The following DCLK1 variants were observed in gnomAD, a reference collection of about 807,000 sequenced individuals.
The protein encoded by DCLK1 is serine/threonine-protein kinase DCLK1.
Under a neutral mutation model 86.2 loss-of-function variants are expected in DCLK1, and 16 were observed. The observed-to-expected ratio is 0.19, with a 90% CI of 0.13 to 0.28. The LOEUF is 0.28. DCLK1 is among the 10% of genes least tolerant of loss of function. The pLI, the probability that DCLK1 is intolerant of heterozygous loss-of-function variation, is 1.00. For missense variants in DCLK1, 590 were observed against 940.2 expected (o/e 0.63, Z 4.87); for synonymous variants, 369 against 370.5 (o/e 1.00, Z 0.05).
chr13:35,801,158 T>C (rs1406268649), intron 15 of DCLK1, among the ~76,000 whole-genome samples: 1 of 152,246 alleles, frequency 6.6e-6, no homozygotes, highest in African/African-American at 2.4e-5. Context: ...ATTAGTACTT[T>C]TCTTCCCCCT....
chr13:35,772,641 C>G lies in DCLK1; in HGVS notation c.*1894G>C, dbSNP rs1000690210. 6.7e-6 allele frequency: 1 copy of G among 150,020 alleles called. No individual in the cohort carries two copies. The highest frequency in any genetic ancestry group is 1.5e-5 in the Non-Finnish European group (1 of 67,706). The allele number at this position is 150,020 out of a possible 1,614,324, so 9.3% of individuals were successfully genotyped here. On this transcript the variant is annotated 3_prime_UTR_variant, in exon 17 of 17. Coordinates refer to ENST00000360631, the MANE Select transcript of DCLK1 (RefSeq NM_001330071.2). ...TGATTTATGCTACTTTGTGATTTTG[C>G]GTGTTATCACTTCCGGATGCTCTAA... is the stretch of plus-strand genomic sequence containing the variant.
chr13:35,867,963 A>AAGAAAGAAAGAGAGAG (rs796441369), intron 5 of DCLK1, among the ~76,000 whole-genome samples: 16 of 135,238 alleles, frequency 1.2e-4, no homozygotes, highest in Non-Finnish European at 3.1e-5. Flanking sequence ...GAAAGAAAGA[A>AAGAAAGAAAGAGAGAG]AGAGAAAAAG....
chr13:35,952,869 G>A (rs111307270), intron 3 of DCLK1, among the ~76,000 whole-genome samples: 2 of 152,244 alleles, frequency 1.3e-5, no homozygotes, highest in African/African-American at 4.8e-5. Context: ...AAAAACATGG[G>A]TGATTATAAT....
At chr13:36,070,188 T>A (rs1883917748) in intron 3 of DCLK1, among the ~76,000 whole-genome samples, 1 of 152,154 alleles carries the variant, frequency 6.6e-6, no homozygotes, top group Non-Finnish European at 1.5e-5. Flanking sequence ...GTGGCTGCAG[T>A]CCCAGTCCTG....
chr13:35,885,076 G>A (rs1018407293), intron 4 of DCLK1, among the ~76,000 whole-genome samples: 4 of 152,082 alleles, frequency 2.6e-5, no homozygotes, highest in Admixed American at 6.6e-5. Flanking sequence ...TTCCAGAAAG[G>A]CACATACCCT....
rs142035044 is a variant in DCLK1, at chr13:35,935,499, G to A, written c.823+11859C>T. The stretch of plus-strand genomic sequence containing the variant: ...TAAAAGTGAGGGGTGAGTAAAAGAC[G>A]ACTCCATGTTTTGCAACCTTGGTGT... On this transcript the variant is annotated intron_variant, in intron 4 of 16. Transcript: ENST00000360631. Among the ~76,000 whole-genome samples, 356 of 152,266 alleles carry A rather than the reference G, an allele frequency of 2.3e-3. 3 individuals are homozygous for A. The highest frequency in any genetic ancestry group is 7.8e-3 in the African/African-American group (325 of 41,542).
intron 4 of DCLK1, among the ~76,000 whole-genome samples, chr13:35,940,180 C>T (rs1483494880): frequency 6.8e-6 from 1 of 146,684 alleles, no homozygotes; most frequent in Non-Finnish European, 1.5e-5. Context: ...GAGATCACGC[C>T]ACTGCACTCC....
intron 5 of DCLK1, among the ~76,000 whole-genome samples, chr13:35,867,715 A>G (rs1183493820): frequency 3.3e-5 from 5 of 152,082 alleles, no homozygotes; most frequent in African/African-American, 1.2e-4. Context: ...TAGTGATTAC[A>G]TTACCAGTTA....
intron 3 of DCLK1, among the ~76,000 whole-genome samples, chr13:36,106,149 A>G (rs543130079): frequency 6.6e-6 from 1 of 152,326 alleles, no homozygotes; most frequent in East Asian, 1.9e-4. Context: ...AAGCCTTAAA[A>G]TATACATCAC....
chr13:35,782,933 G>A (rs1491004166), intron 16 of DCLK1, among the ~76,000 whole-genome samples: 1 of 152,226 alleles, frequency 6.6e-6, no homozygotes, highest in East Asian at 1.9e-4. Context: ...TGCTGCTGTA[G>A]GGCAAAGGCA....
intron 3 of DCLK1, 35 bp downstream of exon 3, chr13:36,111,834 T>C: frequency 6.4e-7 from 1 of 1,574,674 alleles, no homozygotes; most frequent in South Asian, 1.1e-5. Context: ...GGTTCTTGCC[T>C]TAAAGTCAAA....
chr13:36,087,990 CA>C (rs1165470633), intron 3 of DCLK1, among the ~76,000 whole-genome samples: 2 of 152,186 alleles, frequency 1.3e-5, no homozygotes, highest in Admixed American at 1.3e-4. Context: ...TGGGTCTAAA[CA>C]ACAATGTTTT....
intron 2 of DCLK1, among the ~76,000 whole-genome samples, chr13:36,116,404 C>T (rs1167910737): frequency 6.6e-6 from 1 of 152,078 alleles, no homozygotes; most frequent in Non-Finnish European, 1.5e-5. Context: ...AAAATGGTTC[C>T]CTGGGCACTA....
At chr13:35,908,564 C>T (rs888839002) in intron 4 of DCLK1, among the ~76,000 whole-genome samples, 9 of 152,142 alleles carry the variant, frequency 5.9e-5, no homozygotes, top group African/African-American at 2.2e-4. Flanking sequence ...ATTCATTTTA[C>T]TTTATTTATT....
At chr13:35,799,981 A>G (rs1303700021) in intron 15 of DCLK1, among the ~76,000 whole-genome samples, 1 of 152,224 alleles carries the variant, frequency 6.6e-6, no homozygotes, top group Non-Finnish European at 1.5e-5. Flanking sequence ...TTTTGTTGGT[A>G]TTTTGTAACT....
chr13:35,771,925 G>A lies in DCLK1; in HGVS notation c.*2610C>T, dbSNP rs890849108. On this transcript the variant is annotated 3_prime_UTR_variant, in exon 17 of 17. Transcript: ENST00000360631. ...AAACTTGAACTATCCCAAGAATGTC[G>A]AGAAAAAAATTAGAAAGCACTGGCT... 1 of 152,106 alleles carries A rather than the reference G, an allele frequency of 6.6e-6. No homozygotes were observed. The highest frequency in any genetic ancestry group is 6.5e-5 in the Admixed American group (1 of 15,270). 9.4% of individuals were successfully genotyped at this position (152,106 alleles called of 1,614,324 possible). A position where few individuals can be genotyped will look rare whatever the true frequency, so the allele number is the denominator to read the frequency against.
intron 3 of DCLK1, 138 bp downstream of exon 3, chr13:36,111,731 C>A: frequency 1.5e-6 from 1 of 679,996 alleles, no homozygotes; most frequent in Non-Finnish European, 2.4e-6. Flanking sequence ...TGTTCTAGGG[C>A]CAGCAAGTAC....
intron 16 of DCLK1, among the ~76,000 whole-genome samples, chr13:35,777,826 G>C (rs1162504908): frequency 2.0e-5 from 3 of 152,108 alleles, no homozygotes; most frequent in East Asian, 3.9e-4. Flanking sequence ...CTCCTTCTGG[G>C]CCCCCGCCCA....
chr13:35,970,651 G>A (rs1289480690), intron 3 of DCLK1, among the ~76,000 whole-genome samples: 5 of 151,810 alleles, frequency 3.3e-5, no homozygotes, highest in African/African-American at 1.2e-4. Flanking sequence ...GTGCCATCCT[G>A]GGAGTGGAAA....
Sources: gnomAD v4.1 joint callset for allele counts (sites outside exome capture counted in the v4.1 genomes callset) on GRCh38, gnomAD v4.1.1 for gene constraint, MANE v1.5 for transcripts, NCBI Gene and HGNC (gene_info 2026-07-23, HGNC 2026-07-21) for gene names.